Variants in ZMAT4 observed in about 807,000 individuals in gnomAD.
ZMAT4 encodes the protein zinc finger matrin-type protein 4.
Under a neutral mutation model 28.7 loss-of-function variants are expected in ZMAT4, and 17 were observed. That is an observed-to-expected ratio of 0.59 (90% confidence interval 0.41 to 0.89). The LOEUF (loss-of-function observed/expected upper bound fraction) is 0.89. ZMAT4 is among the 40% of genes least tolerant of loss of function. The pLI, the probability that ZMAT4 is intolerant of heterozygous loss-of-function variation, is 0.00. For missense variants in ZMAT4, 240 were observed against 283.8 expected, an observed-to-expected ratio of 0.85 and a Z score of 1.11; for synonymous variants, 117 against 109.2, an observed-to-expected ratio of 1.07 and a Z score of -0.44.
chr8:40,861,520 A>G (rs1817492634), intron 1 of ZMAT4, among the ~76,000 whole-genome samples: 1 of 152,254 alleles, frequency 6.6e-6, no homozygotes, highest in African/African-American at 2.4e-5. Context: ...ATGGGCAAGG[A>G]CTTCGTGTCT....
At chr8:40,585,777 T>C (rs1804653461) in intron 5 of ZMAT4, among the ~76,000 whole-genome samples, 1 of 152,168 alleles carries the variant, frequency 6.6e-6, no homozygotes, top group South Asian at 2.1e-4. Context: ...ATCAGAATAC[T>C]AAAACCAGCT....
chr8:40,800,973 C>T (rs1360705507), intron 2 of ZMAT4, among the ~76,000 whole-genome samples: 1 of 151,836 alleles, frequency 6.6e-6, no homozygotes, highest in Non-Finnish European at 1.5e-5. Context: ...CAATAAGCCT[C>T]AAGCAAAGCT....
intron 1 of ZMAT4, among the ~76,000 whole-genome samples, chr8:40,871,802 C>T (rs991730250): frequency 4.6e-5 from 7 of 152,220 alleles, no homozygotes; most frequent in Non-Finnish European, 1.0e-4. Context: ...CCACGTGGCT[C>T]ATTCCCTCAT....
intron 5 of ZMAT4, among the ~76,000 whole-genome samples, chr8:40,615,621 G>A (rs1261708949): frequency 6.6e-6 from 1 of 152,016 alleles, no homozygotes; most frequent in Non-Finnish European, 1.5e-5. Flanking sequence ...GGCTTTCTTT[G>A]TTTCTTTTTA....
intron 3 of ZMAT4, among the ~76,000 whole-genome samples, chr8:40,728,994 T>C (rs1272069033): frequency 1.3e-5 from 2 of 152,242 alleles, no homozygotes; most frequent in African/African-American, 4.8e-5. Flanking sequence ...AACTTATCCA[T>C]GTTTTGCCAG....
intron 2 of ZMAT4, among the ~76,000 whole-genome samples, chr8:40,775,604 T>G (rs1813558974): frequency 6.6e-6 from 1 of 152,170 alleles, no homozygotes; most frequent in Admixed American, 6.5e-5. Context: ...AAGGCAGAAT[T>G]AACTCCTCTA....
At chr8:40,703,366 T>G (rs1425787482) in intron 3 of ZMAT4, among the ~76,000 whole-genome samples, 1 of 152,190 alleles carries the variant, frequency 6.6e-6, no homozygotes, top group African/African-American at 2.4e-5. Flanking sequence ...ATGTGGTATG[T>G]CCATACAATG....
intron 6 of ZMAT4, among the ~76,000 whole-genome samples, chr8:40,572,410 C>T (rs1804127710): frequency 6.6e-6 from 1 of 152,130 alleles, no homozygotes; most frequent in Non-Finnish European, 1.5e-5. Context: ...TTAGAAATTA[C>T]TACTAATTTT....
At chr8:40,585,289 C>CA (rs1176174598) in intron 5 of ZMAT4, among the ~76,000 whole-genome samples, 2 of 152,134 alleles carry the variant, frequency 1.3e-5, no homozygotes, top group Non-Finnish European at 2.9e-5. Flanking sequence ...TTTTCAGGTA[C>CA]AAACTGCCAG....
intron 3 of ZMAT4, among the ~76,000 whole-genome samples, chr8:40,732,403 C>T (rs1383096151): frequency 1.3e-5 from 2 of 152,094 alleles, no homozygotes; most frequent in Non-Finnish European, 2.9e-5. Context: ...AGAGCTGGAG[C>T]CAGCACAATG....
intron 2 of ZMAT4, among the ~76,000 whole-genome samples, chr8:40,821,139 C>T (rs1815813350): frequency 1.3e-5 from 2 of 151,810 alleles, no homozygotes; most frequent in African/African-American, 4.8e-5. Context: ...CATCTTTCTG[C>T]CCTGTACTTT....
intron 1 of ZMAT4, among the ~76,000 whole-genome samples, chr8:40,896,123 A>G (rs1818869183): frequency 6.6e-6 from 1 of 152,250 alleles, no homozygotes; most frequent in Non-Finnish European, 1.5e-5. Context: ...AGTTTCAATA[A>G]TCACAGTTCC....
At chr8:40,623,539 A>G (rs1396997529) in intron 5 of ZMAT4, among the ~76,000 whole-genome samples, 1 of 152,212 alleles carries the variant, frequency 6.6e-6, no homozygotes. Flanking sequence ...ATTTCACCTT[A>G]GTTGGGCCTG....
chr8:40,853,004 T>C (rs1375009878), intron 1 of ZMAT4, among the ~76,000 whole-genome samples: 3 of 152,162 alleles, frequency 2.0e-5, no homozygotes, highest in Non-Finnish European at 2.9e-5. Context: ...GCTCATTTCA[T>C]GCCATTTTAA....
At chr8:40,578,301 T>C (rs1185556182) in intron 6 of ZMAT4, among the ~76,000 whole-genome samples, 1 of 152,130 alleles carries the variant, frequency 6.6e-6, no homozygotes, top group Admixed American at 6.5e-5. Flanking sequence ...AATTGGTATC[T>C]GTATGGAAAA....
intron 5 of ZMAT4, among the ~76,000 whole-genome samples, chr8:40,584,563 T>A (rs1258268682): frequency 1.3e-5 from 2 of 152,204 alleles, no homozygotes; most frequent in Admixed American, 6.5e-5. Context: ...TGCCCTAGTT[T>A]CTATCTAAAA....
intron 4 of ZMAT4, among the ~76,000 whole-genome samples, chr8:40,684,072 A>G (rs1809291908): frequency 6.6e-6 from 1 of 152,142 alleles, no homozygotes; most frequent in Admixed American, 6.5e-5. Context: ...TCTTAGAAAA[A>G]AAAAAAAATC....
intron 6 of ZMAT4, among the ~76,000 whole-genome samples, chr8:40,534,991 C>T (rs1352196764): frequency 6.6e-6 from 1 of 152,040 alleles, no homozygotes; most frequent in East Asian, 1.9e-4. Context: ...CCCACATTTG[C>T]TACCTTTCTA....
chr8:40,786,676 C>T, intron 2 of ZMAT4: 1 of 1,286,770 alleles, frequency 7.8e-7, no homozygotes, highest in Non-Finnish European at 1.0e-6. Context: ...AGTCCTTGTG[C>T]CTCCCAACTT....
Sources: allele counts gnomAD v4.1 joint callset (sites outside exome capture counted in the v4.1 genomes callset), GRCh38; gene constraint gnomAD v4.1.1; transcripts MANE v1.5; gene names NCBI Gene and HGNC (gene_info 2026-07-23, HGNC 2026-07-21).